Variants in HACD2 observed in about 807,000 individuals in gnomAD.
HACD2 encodes very-long-chain (3R)-3-hydroxyacyl-CoA dehydratase 2.
In HACD2, 15 loss-of-function variants were observed where a neutral mutation model predicts 31.0. That is an observed-to-expected ratio of 0.48 (90% CI 0.32 to 0.75). HACD2 has a LOEUF of 0.75. HACD2 is among the 30% of genes least tolerant of loss of function. The pLI is 0.03. For missense variants in HACD2, 283 were observed against 313.0 expected (o/e 0.90, Z 0.72); for synonymous variants, 115 against 122.2 (o/e 0.94, Z 0.39).
At chr3:123,538,840 T>A (rs1262234879) in intron 3 of HACD2, among the ~76,000 whole-genome samples, 1 of 152,190 alleles carries the variant, frequency 6.6e-6, no homozygotes, top group Non-Finnish European at 1.5e-5. Flanking sequence ...TAATGTAATT[T>A]TAATATAGTT....
chr3:123,516,138 T>C (rs1343245322), intron 4 of HACD2, among the ~76,000 whole-genome samples: 2 of 152,170 alleles, frequency 1.3e-5, no homozygotes, highest in Non-Finnish European at 1.5e-5. Context: ...ATAAAGTGCC[T>C]GCTAAACAAA....
chr3:123,568,128 A>G lies in HACD2; in HGVS notation c.274-348T>C, dbSNP rs113505635. 6.5e-3 allele frequency among the ~76,000 whole-genome samples: 987 copies of G among 152,350 alleles called. 2 individuals are homozygous for G. Among genetic ancestry groups the G allele is most frequent in the Non-Finnish European group, 9.0e-3 (614 of 68,034 alleles). Reference sequence around the variant, plus strand: ...ACAGCATCTCCATGTCCCATATGCTATAGAACAGAACCACCACGGACTCCG... The same window carrying G: ...ACAGCATCTCCATGTCCCATATGCTGTAGAACAGAACCACCACGGACTCCG... On this transcript the variant is annotated intron_variant, in intron 2 of 6. Coordinates refer to ENST00000383657, the MANE Select transcript of HACD2 (RefSeq NM_198402.5).
At chr3:123,550,785 A>G (rs2056611469) in intron 3 of HACD2, among the ~76,000 whole-genome samples, 1 of 152,212 alleles carries the variant, frequency 6.6e-6, no homozygotes, top group African/African-American at 2.4e-5. Flanking sequence ...GATGTGGCCC[A>G]GAAGTGGTAT....
At chr3:123,540,873 C>T (rs1253907857) in intron 3 of HACD2, among the ~76,000 whole-genome samples, 1 of 151,982 alleles carries the variant, frequency 6.6e-6, no homozygotes, top group Non-Finnish European at 1.5e-5. Flanking sequence ...CCCATAAGTA[C>T]CTTGAATGCT....
chr3:123,506,596 ATTT>A (rs976734141), intron 4 of HACD2, among the ~76,000 whole-genome samples: 1 of 151,278 alleles, frequency 6.6e-6, no homozygotes, highest in African/African-American at 2.4e-5. Flanking sequence ...CACCCAGCTA[ATTT>A]TTTTTTCTTA....
intron 2 of HACD2, among the ~76,000 whole-genome samples, chr3:123,572,974 CAG>C (rs2056871118): frequency 1.3e-5 from 2 of 152,132 alleles, no homozygotes; most frequent in South Asian, 2.1e-4. Flanking sequence ...GCCTAAGATG[CAG>C]AGTCAGGGAA....
chr3:123,579,303 T>C (rs534663791), intron 2 of HACD2, among the ~76,000 whole-genome samples: 3 of 152,002 alleles, frequency 2.0e-5, no homozygotes, highest in Non-Finnish European at 4.4e-5. Context: ...TACCAAGTTT[T>C]TTTTTTTTTG....
At chr3:123,504,530 T>TAAA (rs370207577) in intron 4 of HACD2, among the ~76,000 whole-genome samples, 5 of 141,302 alleles carry the variant, frequency 3.5e-5, no homozygotes, top group African/African-American at 1.3e-4. Flanking sequence ...TTCAAATAGG[T>TAAA]AAAAAAAAAA....
In HACD2 at chr3:123,502,699, C is replaced by T; in HGVS notation, c.382-18G>A. The stretch of plus-strand genomic sequence containing the variant: ...CTCTGTACCTGAAGGAAGAGGAAAA[C>T]AAAAGAAAAAAAACACACAGACAAC... On this transcript the variant is annotated intron_variant, in intron 4 of 6. Coordinates refer to ENST00000383657, the MANE Select transcript of HACD2 (RefSeq NM_198402.5). The T allele has an allele frequency of 1.3e-6, 2 of 1,578,064 alleles. No homozygotes were observed. The highest frequency in any genetic ancestry group is 1.4e-5 in the African/African-American group (1 of 73,812).
At chr3:123,563,640 T>TACAC (rs1427006931) in intron 3 of HACD2, among the ~76,000 whole-genome samples, 2 of 91,126 alleles carry the variant, frequency 2.2e-5, no homozygotes, top group Non-Finnish European at 5.1e-5. Flanking sequence ...CAAAAAAATA[T>TACAC]ATATACACAC....
chr3:123,555,092 AT>A (rs776353000), intron 3 of HACD2, among the ~76,000 whole-genome samples: 37 of 152,316 alleles, frequency 2.4e-4, no homozygotes, highest in Admixed American at 5.9e-4. Context: ...AAAAATAGAC[AT>A]TGAATTTTAT....
intron 4 of HACD2, among the ~76,000 whole-genome samples, chr3:123,519,232 A>G (rs918252732): frequency 3.3e-5 from 5 of 152,206 alleles, no homozygotes; most frequent in Non-Finnish European, 7.3e-5. Flanking sequence ...TCCCCTTAGC[A>G]TGCATACACA....
rs1294587126 is a variant in HACD2, at chr3:123,491,635, C to T, written c.*3253G>A. 1.3e-5 allele frequency: 2 copies of T among 152,608 alleles called. No homozygotes were observed. The highest frequency in any genetic ancestry group is 2.9e-5 in the Non-Finnish European group (2 of 68,020). 9.5% of individuals were successfully genotyped at this position (152,608 alleles called of 1,614,324 possible). A position where few individuals can be genotyped will look rare whatever the true frequency, so the allele number is the denominator to read the frequency against. ...ATTTTATGAATACAACTTATTACTA[C>T]ATTATCAGGTAAAAACAGCTTTCAA... On this transcript the variant is annotated 3_prime_UTR_variant, in exon 7 of 7. Coordinates refer to ENST00000383657, the MANE Select transcript of HACD2 (RefSeq NM_198402.5).
rs74464989 is a variant in HACD2 at position 123,504,892 on chromosome 3, C to T, written c.382-2211G>A. On this transcript the variant is annotated intron_variant, in intron 4 of 6. Transcript: ENST00000383657. Reference sequence around the variant, plus strand: ...ACCAATAACTCAAAATGGACAAATGCATAACTTAAAACCAGCATGATCAAT... The same window carrying T: ...ACCAATAACTCAAAATGGACAAATGTATAACTTAAAACCAGCATGATCAAT... 5.2e-5 allele frequency among the ~76,000 whole-genome samples: 4 copies of T among 77,440 alleles called. No homozygotes were observed. The Admixed American group carries it at 5.2e-4, about 10-fold the overall frequency. The allele number at this position is 77,440 out of a possible 152,430, so 50.8% of individuals were successfully genotyped here.
At chr3:123,515,947 A>G (rs187035918) in intron 4 of HACD2, among the ~76,000 whole-genome samples, 49 of 151,910 alleles carry the variant, frequency 3.2e-4, no homozygotes, top group African/African-American at 1.1e-3. Context: ...TTTGGTGGAG[A>G]CGGGGTTTCA....
chr3:123,551,107 CTTGT>C (rs1256122883), intron 3 of HACD2, among the ~76,000 whole-genome samples: 2 of 152,062 alleles, frequency 1.3e-5, no homozygotes, highest in African/African-American at 4.8e-5. Context: ...CAGAGGTGAC[CTTGT>C]TTATCATGGA....
intron 1 of HACD2, 54 bp from the exon 2 acceptor site, chr3:123,582,383 T>C (rs1452016226): frequency 5.5e-6 from 7 of 1,282,004 alleles, no homozygotes; most frequent in East Asian, 4.9e-5. Context: ...AAAAGTAGCA[T>C]TTAGGTTAAC....
chr3:123,584,730 G>A (rs1014684822), intron 1 of HACD2, 143 bp downstream of exon 1: 24 of 583,408 alleles, frequency 4.1e-5, no homozygotes, highest in Non-Finnish European at 5.0e-5. Flanking sequence ...CGCCCTCAGC[G>A]CCCAGGTACC....
At chr3:123,502,913 C>T in intron 4 of HACD2, 2 of 448,286 alleles carry the variant, frequency 4.5e-6, no homozygotes, top group East Asian at 3.5e-5. Context: ...GGAGTGAGAG[C>T]AGCAGGGTGG....
Sources: allele counts gnomAD v4.1 joint callset (sites outside exome capture counted in the v4.1 genomes callset), GRCh38; gene constraint gnomAD v4.1.1; transcripts MANE v1.5; gene names NCBI Gene and HGNC (gene_info 2026-07-23, HGNC 2026-07-21).